The following STAG1 variants were observed in gnomAD, a reference collection of about 807,000 sequenced individuals.
STAG1 encodes the protein cohesin subunit SA-1.
In STAG1, 26 loss-of-function variants were observed where a neutral mutation model predicts 170.9. The observed-to-expected ratio is 0.15, with a 90% CI of 0.11 to 0.21. STAG1 has a LOEUF of 0.21. STAG1 is among the 10% of genes least tolerant of loss of function. The pLI, the probability that STAG1 is intolerant of heterozygous loss-of-function variation, is 1.00. For synonymous variants in STAG1, 514 were observed against 497.7 expected (o/e 1.03, Z -0.44); for missense variants, 964 against 1,509.5 (o/e 0.64, Z 5.99).
At chr3:136,739,809 A>G (rs1207077900) in intron 1 of STAG1, among the ~76,000 whole-genome samples, 1 of 151,778 alleles carries the variant, frequency 6.6e-6, no homozygotes. Context: ...GGGCAACAAG[A>G]GCAAGACTTC....
rs1280688292 is a variant in STAG1 at position 136,336,439 on chromosome 3, T to C, written c.*1815A>G. 2 of 152,252 alleles carry C rather than the reference T, an allele frequency of 1.3e-5. No homozygotes were observed. The highest frequency in any genetic ancestry group is 4.8e-5 in the African/African-American group (2 of 41,460). 9.4% of individuals were successfully genotyped at this position (152,252 alleles called of 1,614,324 possible). A position where few individuals can be genotyped will look rare whatever the true frequency, so the allele number is the denominator to read the frequency against. On this transcript the variant is annotated 3_prime_UTR_variant, in exon 34 of 34. Transcript: ENST00000383202. ...AGATATTTAGCCTTTTTGTGTGGCA[T>C]GGTAGTCTACAATTCTGTCAGCATC...
At chr3:136,632,278 T>A (rs1940361546) in intron 1 of STAG1, among the ~76,000 whole-genome samples, 1 of 152,200 alleles carries the variant, frequency 6.6e-6, no homozygotes, top group African/African-American at 2.4e-5. Flanking sequence ...AATCAACTTT[T>A]ACAGAATTCC....
intron 1 of STAG1, among the ~76,000 whole-genome samples, chr3:136,701,591 G>A (rs1321486287): frequency 1.3e-5 from 2 of 151,992 alleles, no homozygotes; most frequent in African/African-American, 2.4e-5. Flanking sequence ...TATGCCCCCC[G>A]GATGTAAATA....
At chr3:136,551,208 T>TGAGAGAGAGAGAGAGAGAGAGAGAGAGA (rs57609965) in intron 5 of STAG1, among the ~76,000 whole-genome samples, 3 of 44,492 alleles carry the variant, frequency 6.7e-5, no homozygotes, top group Non-Finnish European at 1.1e-4. Context: ...TGAGAGAGAG[T>TGAGAGAGAGAGAGAGAGAGAGAGAGAGA]GAGAGAGAGA....
chr3:136,465,915 A>G (rs2089443713), intron 12 of STAG1, among the ~76,000 whole-genome samples: 1 of 152,194 alleles, frequency 6.6e-6, no homozygotes, highest in Non-Finnish European at 1.5e-5. Flanking sequence ...ATGGCAGTGC[A>G]TGCCTGCCAT....
chr3:136,470,431 A>G (rs1223942392), intron 12 of STAG1, among the ~76,000 whole-genome samples: 3 of 152,196 alleles, frequency 2.0e-5, no homozygotes, highest in Non-Finnish European at 4.4e-5. Flanking sequence ...CAAAACCACA[A>G]TGAGATACCA....
intron 4 of STAG1, among the ~76,000 whole-genome samples, chr3:136,599,492 C>CT (rs1335289309): frequency 1.3e-5 from 2 of 152,126 alleles, no homozygotes; most frequent in Non-Finnish European, 2.9e-5. Flanking sequence ...GATTGCGCCA[C>CT]TGCACTCCAG....
At chr3:136,697,059 C>A (rs947219269) in intron 1 of STAG1, among the ~76,000 whole-genome samples, 2 of 152,128 alleles carry the variant, frequency 1.3e-5, no homozygotes, top group East Asian at 3.9e-4. Context: ...ACATCTGTGG[C>A]GATATTCTTT....
intron 4 of STAG1, among the ~76,000 whole-genome samples, chr3:136,600,930 G>A (rs1483111859): frequency 2.6e-5 from 4 of 151,822 alleles, no homozygotes; most frequent in Non-Finnish European, 5.9e-5. Context: ...TTCCTCTGTC[G>A]CCAAGGCTGG....
In STAG1 at chr3:136,658,370, G is replaced by A. The variant is rs112117870; in HGVS notation, c.-83-27389C>T. Among the ~76,000 whole-genome samples, 26 of 152,016 alleles carry A rather than the reference G, an allele frequency of 1.7e-4. 1 individual carries two copies. The highest frequency in any genetic ancestry group is 6.3e-4 in the African/African-American group (26 of 41,488). On this transcript the variant is annotated intron_variant, in intron 1 of 33. Coordinates refer to ENST00000383202, the MANE Select transcript of STAG1 (RefSeq NM_005862.3). ...AGAAAAGTTTTTCTGTAATATTCCT[G>A]AGTGTTACTTGAATAGGAAATTTAA...
At chr3:136,477,253 A>G (rs934669777) in intron 10 of STAG1, 36 bp downstream of exon 10, 3 of 1,566,222 alleles carry the variant, frequency 1.9e-6, no homozygotes. Flanking sequence ...TGAGACAAAC[A>G]TAACTTCCAT....
At chr3:136,522,849 G>A (rs1485743737) in intron 6 of STAG1, among the ~76,000 whole-genome samples, 3 of 151,708 alleles carry the variant, frequency 2.0e-5, no homozygotes, top group Non-Finnish European at 4.4e-5. Context: ...ATAGTTTCCT[G>A]AGAATGATGG....
rs553860808 is a variant in STAG1 at position 136,534,552 on chromosome 3, GA to G, written c.471+7566del. Among the ~76,000 whole-genome samples, 147 of 149,112 alleles carry G rather than the reference GA, an allele frequency of 9.9e-4. 1 individual carries two copies. Among genetic ancestry groups the G allele is most frequent in the African/African-American group, 3.4e-3 (138 of 40,698 alleles). On this transcript the variant is annotated intron_variant, in intron 6 of 33. Transcript: ENST00000383202. Reference sequence around the variant, plus strand: ...TACTGAAAATAAACAACTCAACAATGAAAAAAAAACATAATCGCATTAAAAA... The same window carrying G: ...TACTGAAAATAAACAACTCAACAATGAAAAAAAACATAATCGCATTAAAAA...
chr3:136,369,426 A>G, intron 23 of STAG1, 144 bp from the exon 24 acceptor site: 1 of 616,326 alleles, frequency 1.6e-6, no homozygotes, highest in Non-Finnish European at 2.5e-6. Context: ...AAATATTGTT[A>G]TAATTTCCAA....
At chr3:136,373,518 G>T (rs376768915) in intron 23 of STAG1, among the ~76,000 whole-genome samples, 12 of 151,966 alleles carry the variant, frequency 7.9e-5, no homozygotes. Context: ...ACACTGCTTT[G>T]AATGTGTCCC....
chr3:136,400,830 G>A (rs1276404070), intron 21 of STAG1, among the ~76,000 whole-genome samples: 1 of 152,064 alleles, frequency 6.6e-6, no homozygotes, highest in Non-Finnish European at 1.5e-5. Flanking sequence ...CACCGTGCCT[G>A]GCCTCAAAAT....
At chr3:136,475,138 C>CTTTTTTTTTTTTTTTTT in intron 10 of STAG1, among the ~76,000 whole-genome samples, 1 of 76,002 alleles carries the variant, frequency 1.3e-5, no homozygotes, top group Non-Finnish European at 2.3e-5. Flanking sequence ...TTATAGGTTC[C>CTTTTTTTTTTTTTTTTT]TTTTTTTTTT....
At chr3:136,555,039 A>G (rs1288086617) in intron 5 of STAG1, among the ~76,000 whole-genome samples, 1 of 150,098 alleles carries the variant, frequency 6.7e-6, no homozygotes. Context: ...ATTCACAACT[A>G]TATATATACA....
At chr3:136,587,227 A>G (rs894598310) in intron 4 of STAG1, among the ~76,000 whole-genome samples, 1 of 152,130 alleles carries the variant, frequency 6.6e-6, no homozygotes, top group Non-Finnish European at 1.5e-5. Flanking sequence ...GAGGATTTTC[A>G]AACAGCTATG....
Sources: allele counts gnomAD v4.1 joint callset (sites outside exome capture counted in the v4.1 genomes callset), GRCh38; gene constraint gnomAD v4.1.1; transcripts MANE v1.5; gene names NCBI Gene and HGNC (gene_info 2026-07-23, HGNC 2026-07-21).